The following AUH variants were observed in gnomAD, a reference collection of about 807,000 sequenced individuals.
AUH encodes the protein AU RNA binding methylglutaconyl-CoA hydratase.
In AUH, 29 loss-of-function variants were observed where a neutral mutation model predicts 42.3. The observed-to-expected ratio is 0.69, with a 90% confidence interval of 0.51 to 0.93. The LOEUF (loss-of-function observed/expected upper bound fraction) is 0.93. AUH is among the 40% of genes least tolerant of loss of function. AUH has a pLI of 0.00. For missense variants in AUH, 452 were observed against 438.1 expected, an observed-to-expected ratio of 1.03 and a Z score of -0.28; for synonymous variants, 174 against 166.4, an observed-to-expected ratio of 1.05 and a Z score of -0.35.
At chr9:91,227,744 TGA>T (rs1259228858) in intron 6 of AUH, among the ~76,000 whole-genome samples, 1 of 152,112 alleles carries the variant, frequency 6.6e-6, no homozygotes, top group African/African-American at 2.4e-5. Flanking sequence ...CCTAATTTAT[TGA>T]GAGCTTTTAG....
At chr9:91,235,809 C>T (rs894679519) in intron 6 of AUH, among the ~76,000 whole-genome samples, 1 of 152,196 alleles carries the variant, frequency 6.6e-6, no homozygotes, top group African/African-American at 2.4e-5. Context: ...TTCAGGAATA[C>T]ACAGGTCTTC....
chr9:91,331,869 T>C (rs1353838978), intron 3 of AUH, among the ~76,000 whole-genome samples: 1 of 152,178 alleles, frequency 6.6e-6, no homozygotes, highest in Non-Finnish European at 1.5e-5. Context: ...CCACTAACCA[T>C]ATGTCAATAA....
chr9:91,232,125 C>T (rs1277088624), intron 6 of AUH, among the ~76,000 whole-genome samples: 2 of 152,134 alleles, frequency 1.3e-5, no homozygotes, highest in Non-Finnish European at 2.9e-5. Flanking sequence ...TGGCTCACAC[C>T]TGTAATCCCA....
chr9:91,266,584 A>G (rs970336823), intron 6 of AUH, among the ~76,000 whole-genome samples: 1 of 152,180 alleles, frequency 6.6e-6, no homozygotes, highest in Admixed American at 6.5e-5. Flanking sequence ...GGATTACACA[A>G]TATCTAGAAA....
At chr9:91,215,368 A>G (rs1385966404) in intron 9 of AUH, among the ~76,000 whole-genome samples, 2 of 152,152 alleles carry the variant, frequency 1.3e-5, no homozygotes, top group African/African-American at 2.4e-5. Flanking sequence ...ATTGCATATC[A>G]TATTACCTAC....
intron 7 of AUH, 98 bp from the exon 8 acceptor site, chr9:91,217,425 G>A: frequency 7.8e-7 from 1 of 1,287,046 alleles, no homozygotes; most frequent in South Asian, 1.2e-5. Context: ...TGGATCCATT[G>A]CACAGCCAGC....
rs374074861 is a variant in AUH at position 91,281,688 on chromosome 9, T to TG, written c.655+14332dup. Among the ~76,000 whole-genome samples, 553 of 152,306 alleles carry TG rather than the reference T, an allele frequency of 3.6e-3. 7 individuals carry two copies. Among genetic ancestry groups the TG allele is most frequent in the African/African-American group, 0.013 (527 of 41,576 alleles). On this transcript the variant is annotated intron_variant, in intron 6 of 9. Coordinates refer to ENST00000375731, the MANE Select transcript of AUH (RefSeq NM_001698.3). ...TTTCAGTTACTGCAGCCAGAATCCT[T>TG]GGAGTCATTCTTTACATCGGTTTCT...
Position 91,245,093 on chromosome 9 carries a change from G to A in AUH, c.656-24101C>T, listed in dbSNP as rs1161708320. ...ATAACCAGAGAGGGAAGGGATGAGA[G>A]GTGGGGAGGAAAAAAGCAACGAGAG... is the stretch of plus-strand genomic sequence containing the variant. On this transcript the variant is annotated intron_variant, in intron 6 of 9. Coordinates refer to ENST00000375731, the MANE Select transcript of AUH (RefSeq NM_001698.3). Among the ~76,000 whole-genome samples, 4 of 152,142 alleles carry A rather than the reference G, an allele frequency of 2.6e-5. No individual in the cohort carries two copies. The East Asian group carries it at 5.8e-4, about 22-fold the overall frequency.
At chr9:91,233,987 G>A (rs78806746) in intron 6 of AUH, among the ~76,000 whole-genome samples, 15,518 of 152,196 alleles carry the variant, frequency 0.1, 848 homozygotes, top group African/African-American at 0.13. Context: ...CTAAGAAGAC[G>A]GGGGTAGGCA....
At chr9:91,341,524 T>G (rs551590071) in intron 3 of AUH, among the ~76,000 whole-genome samples, 1 of 152,358 alleles carries the variant, frequency 6.6e-6, no homozygotes, top group South Asian at 2.1e-4. Context: ...AGACTGACAA[T>G]ATCTCAAGAA....
intron 6 of AUH, among the ~76,000 whole-genome samples, chr9:91,222,314 CATT>C (rs1827178760): frequency 6.6e-6 from 1 of 152,120 alleles, no homozygotes. Flanking sequence ...CTTAAGATGC[CATT>C]ATTAAGCAAA....
intron 6 of AUH, among the ~76,000 whole-genome samples, chr9:91,286,974 G>A (rs1176636303): frequency 6.6e-6 from 1 of 151,856 alleles, no homozygotes; most frequent in Non-Finnish European, 1.5e-5. Context: ...GAGTATATGA[G>A]GCAATACATG....
intron 4 of AUH, among the ~76,000 whole-genome samples, chr9:91,316,086 C>T (rs1829135145): frequency 6.6e-6 from 1 of 152,198 alleles, no homozygotes; most frequent in Non-Finnish European, 1.5e-5. Context: ...ATTCTCCTGT[C>T]ATAGAAATTT....
At chr9:91,257,940 T>C (rs778296088) in intron 6 of AUH, among the ~76,000 whole-genome samples, 5 of 152,236 alleles carry the variant, frequency 3.3e-5, no homozygotes, top group Non-Finnish European at 5.9e-5. Context: ...CTCAGTCATG[T>C]TTGGTAGTTT....
At chr9:91,309,619 A>G (rs750164698) in intron 4 of AUH, among the ~76,000 whole-genome samples, 1 of 152,214 alleles carries the variant, frequency 6.6e-6, no homozygotes, top group Non-Finnish European at 1.5e-5. Flanking sequence ...ATGGGTATAC[A>G]TGAACATAAA....
intron 4 of AUH, among the ~76,000 whole-genome samples, chr9:91,306,884 A>C (rs1307756387): frequency 2.6e-5 from 4 of 152,238 alleles, no homozygotes; most frequent in Non-Finnish European, 5.9e-5. Context: ...GTAACAGCCC[A>C]AAACTGAACA....
At chr9:91,342,332 T>C (rs755330092) in intron 3 of AUH, among the ~76,000 whole-genome samples, 39 of 152,284 alleles carry the variant, frequency 2.6e-4, no homozygotes, top group African/African-American at 7.9e-4. Flanking sequence ...TGTCTTTACA[T>C]TGGGCCCAGT....
At chr9:91,315,166 T>C (rs1359370487) in intron 4 of AUH, among the ~76,000 whole-genome samples, 2 of 152,198 alleles carry the variant, frequency 1.3e-5, no homozygotes, top group African/African-American at 2.4e-5. Flanking sequence ...CTCGAACTCC[T>C]GACCTCAGGT....
chr9:91,284,562 C>T lies in AUH; in HGVS notation c.655+11459G>A, dbSNP rs1015444944. Among the ~76,000 whole-genome samples the T allele has an allele frequency of 5.3e-5, 8 of 152,290 alleles. 1 individual carries two copies. In the Middle Eastern group the frequency reaches 0.01, roughly 194 times the overall value. ...TGGGAGAAAATTTTTGCAATCTACT[C>T]ATCTGACAAAGGGCTAATATCCAGA... On this transcript the variant is annotated intron_variant, in intron 6 of 9. Coordinates refer to ENST00000375731, the MANE Select transcript of AUH (RefSeq NM_001698.3).
Sources: gnomAD v4.1 joint callset for allele counts (sites outside exome capture counted in the v4.1 genomes callset) on GRCh38, gnomAD v4.1.1 for gene constraint, MANE v1.5 for transcripts, NCBI Gene and HGNC (gene_info 2026-07-23, HGNC 2026-07-21) for gene names.